The following MEMO1 variants were observed in gnomAD, a reference collection of about 807,000 sequenced individuals.
MEMO1 encodes protein MEMO1.
MEMO1 carries 6 observed loss-of-function variants against 45.2 expected under a neutral mutation model. That is an observed-to-expected ratio of 0.13 (90% confidence interval 0.07 to 0.26). MEMO1 has a LOEUF of 0.26. Ranked by LOEUF, MEMO1 falls within the 10% of genes least tolerant of loss-of-function variation. The pLI is 1.00. For missense variants in MEMO1, 184 were observed against 370.5 expected (o/e 0.50, Z 4.13); for synonymous variants, 78 against 124.3 (o/e 0.63, Z 2.48).
At chr2:31,989,302 A>AT (rs1671657574) in intron 2 of MEMO1, among the ~76,000 whole-genome samples, 3 of 152,176 alleles carry the variant, frequency 2.0e-5, no homozygotes, top group African/African-American at 7.2e-5. Context: ...AACCAACAAT[A>AT]TTTAAGCTTC....
chr2:31,959,250 C>T (rs1667729788), intron 2 of MEMO1, among the ~76,000 whole-genome samples: 1 of 151,968 alleles, frequency 6.6e-6, no homozygotes, highest in South Asian at 2.1e-4. Context: ...GTGGTAAAGA[C>T]AAAAGAATGC....
At chr2:31,919,852 C>CGG (rs1056981038) in intron 5 of MEMO1, among the ~76,000 whole-genome samples, 2 of 150,588 alleles carry the variant, frequency 1.3e-5, no homozygotes, top group African/African-American at 4.9e-5. Flanking sequence ...ATGTGTGTGT[C>CGG]GGGGTGTGTG....
chr2:31,878,748 C>T (rs1674934942), intron 8 of MEMO1, among the ~76,000 whole-genome samples: 1 of 152,072 alleles, frequency 6.6e-6, no homozygotes, highest in Admixed American at 6.6e-5. Context: ...ATTTTTAGTA[C>T]TGAGGTATCT....
intron 6 of MEMO1, 27 bp downstream of exon 6, chr2:31,917,899 G>A: frequency 7.0e-7 from 1 of 1,425,220 alleles, no homozygotes; most frequent in African/African-American, 1.4e-5. Flanking sequence ...ATGATTTCCT[G>A]GGGATTTCTT....
In MEMO1 at chr2:31,892,146, C is replaced by CAA; in HGVS notation, c.438-13_438-12insTT. 1 of 1,493,560 alleles carries CAA rather than the reference C, an allele frequency of 6.7e-7. No individual in the cohort carries two copies. Among genetic ancestry groups the CAA allele is most frequent in the Non-Finnish European group, 8.9e-7 (1 of 1,120,814 alleles). 92.5% of individuals were successfully genotyped at this position (1,493,560 alleles called of 1,614,324 possible). ...ACTCATCCTTATGGCTTAAAGAAAACAGAAAAAAAAAAAATGTCATTTAAG... is the reference window on the plus strand; with the variant it reads ...ACTCATCCTTATGGCTTAAAGAAAACAAAGAAAAAAAAAAAATGTCATTTAAG... On this transcript the variant is annotated splice_polypyrimidine_tract_variant and intron_variant, in intron 6 of 9. Coordinates refer to ENST00000404530, the MANE Select transcript of MEMO1 (RefSeq NM_001301833.4).
At chr2:31,974,674 G>A (rs1043971472) in intron 2 of MEMO1, among the ~76,000 whole-genome samples, 2 of 151,920 alleles carry the variant, frequency 1.3e-5, no homozygotes, top group Non-Finnish European at 2.9e-5. Flanking sequence ...GAACCCAGGG[G>A]GGCCAGGGTT....
intron 6 of MEMO1, among the ~76,000 whole-genome samples, chr2:31,905,883 T>G (rs1436068687): frequency 6.6e-6 from 1 of 152,188 alleles, no homozygotes; most frequent in African/African-American, 2.4e-5. Context: ...CCATGATTTT[T>G]TTACTACACT....
intron 2 of MEMO1, among the ~76,000 whole-genome samples, chr2:31,987,672 A>G (rs1427506331): frequency 6.6e-6 from 1 of 152,222 alleles, no homozygotes; most frequent in East Asian, 1.9e-4. Flanking sequence ...CAAAGATTAT[A>G]GTGGTGATGT....
At chr2:32,001,063 G>C (rs888883032) in intron 2 of MEMO1, among the ~76,000 whole-genome samples, 3 of 134,124 alleles carry the variant, frequency 2.2e-5, no homozygotes, top group Non-Finnish European at 4.7e-5. Flanking sequence ...TTTGAGACAG[G>C]AGTCTCGCTC....
At chr2:31,911,443 A>G (rs1361739492) in intron 6 of MEMO1, among the ~76,000 whole-genome samples, 1 of 152,230 alleles carries the variant, frequency 6.6e-6, no homozygotes, top group Non-Finnish European at 1.5e-5. Flanking sequence ...ATGGTATTAT[A>G]ACAACAGAGA....
intron 6 of MEMO1, among the ~76,000 whole-genome samples, chr2:31,909,264 A>T (rs1280726535): frequency 6.6e-6 from 1 of 152,248 alleles, no homozygotes; most frequent in Non-Finnish European, 1.5e-5. Context: ...TAGCCAGAAC[A>T]ATTAGTCAAG....
At chr2:31,907,870 AT>A (rs1680000139) in intron 6 of MEMO1, among the ~76,000 whole-genome samples, 1 of 152,052 alleles carries the variant, frequency 6.6e-6, no homozygotes, top group Non-Finnish European at 1.5e-5. Flanking sequence ...AAAAATTACC[AT>A]TTGGAAGCCA....
chr2:31,890,238 G>C (rs1388578116), intron 7 of MEMO1, among the ~76,000 whole-genome samples: 1 of 151,998 alleles, frequency 6.6e-6, no homozygotes, highest in Non-Finnish European at 1.5e-5. Context: ...AGAAAGCCCA[G>C]GTTCTAAAAA....
At chr2:31,903,994 G>C (rs878980024) in intron 6 of MEMO1, among the ~76,000 whole-genome samples, 1 of 152,030 alleles carries the variant, frequency 6.6e-6, no homozygotes, top group Non-Finnish European at 1.5e-5. Flanking sequence ...CCTTCATTGA[G>C]GCCACAATCA....
chr2:31,965,899 C>T (rs569696483), intron 2 of MEMO1, among the ~76,000 whole-genome samples: 2 of 152,244 alleles, frequency 1.3e-5, no homozygotes, highest in African/African-American at 4.8e-5. Flanking sequence ...TTGACAGGTG[C>T]AGCAAACCAC....
chr2:31,901,531 A>G (rs369379990), intron 6 of MEMO1, among the ~76,000 whole-genome samples: 2 of 152,144 alleles, frequency 1.3e-5, no homozygotes, highest in African/African-American at 4.8e-5. Flanking sequence ...AGAAACAGAA[A>G]GCAAATCAGT....
intron 5 of MEMO1, 113 bp from the exon 6 acceptor site, chr2:31,918,150 C>T (rs1448009826): frequency 2.0e-6 from 1 of 512,466 alleles, no homozygotes; most frequent in Non-Finnish European, 3.2e-6. Flanking sequence ...ACAGAAACAC[C>T]ATATAATATT....
chr2:31,913,087 G>C (rs1341331658), intron 6 of MEMO1, among the ~76,000 whole-genome samples: 14 of 151,734 alleles, frequency 9.2e-5, no homozygotes, highest in African/African-American at 3.4e-4. Flanking sequence ...GACCATTCTG[G>C]CCAACAAGGT....
intron 3 of MEMO1, among the ~76,000 whole-genome samples, chr2:31,938,612 C>T (rs1047901024): frequency 3.3e-5 from 5 of 151,834 alleles, no homozygotes; most frequent in Non-Finnish European, 7.4e-5. Flanking sequence ...CGCGCCACTG[C>T]ACTCCAGCCT....
Sources: allele counts gnomAD v4.1 joint callset (sites outside exome capture counted in the v4.1 genomes callset), GRCh38; gene constraint gnomAD v4.1.1; transcripts MANE v1.5; gene names NCBI Gene and HGNC (gene_info 2026-07-23, HGNC 2026-07-21).